Variants in CYREN observed in about 807,000 individuals in gnomAD.
CYREN encodes cell cycle regulator of non-homologous end joining.
A neutral mutation model predicts 9.7 loss-of-function variants in CYREN; 7 were observed. The observed-to-expected ratio is 0.72, with a 90% CI of 0.41 to 1.36. The LOEUF (loss-of-function observed/expected upper bound fraction) is 1.36, where lower values mean the gene tolerates loss of function less well. Among genes scored for constraint, CYREN ranks in the 40% most tolerant of loss-of-function variants. The pLI, the probability that CYREN is intolerant of heterozygous loss-of-function variation, is 0.01. For missense variants in CYREN, 215 were observed against 198.1 expected, an observed-to-expected ratio of 1.09 and a Z score of -0.51; for synonymous variants, 76 against 77.9, an observed-to-expected ratio of 0.98 and a Z score of 0.13.
Position 135,149,101 on chromosome 7 carries a change from A to G in CYREN, n.356+19648T>C, listed in dbSNP as rs536642193. Among the ~76,000 whole-genome samples the G allele has an allele frequency of 4.9e-4, 75 of 152,230 alleles. 1 individual carries two copies. The highest frequency in any genetic ancestry group is 1.7e-3 in the African/African-American group (69 of 41,546). ...ATGAGATATTTTTTCAATCTTGCAC[A>G]TATTCCCCTTTCTCAACTTTCTTTC... is the stretch of plus-strand genomic sequence containing the variant. On this transcript the variant is annotated intron_variant and non_coding_transcript_variant, in intron 2 of 2. Coordinates refer to the CYREN transcript ENST00000459937.
intron 2 of CYREN, chr7:135,168,171 G>C (rs1830326379): frequency 3.9e-6 from 1 of 253,542 alleles, no homozygotes; most frequent in Admixed American, 5.1e-5. Flanking sequence ...CTTAGGGAAA[G>C]ACGGCAGCAG....
intron 2 of CYREN, chr7:135,129,343 A>T (rs1327544272): frequency 2.7e-6 from 3 of 1,097,406 alleles, no homozygotes; most frequent in Non-Finnish European, 4.2e-6. Flanking sequence ...AAATTAATAG[A>T]CTTACTAAAT....
intron 2 of CYREN, among the ~76,000 whole-genome samples, chr7:135,145,755 C>T (rs1247823829): frequency 2.0e-5 from 3 of 152,054 alleles, no homozygotes; most frequent in African/African-American, 4.8e-5. Context: ...ACAGGCACAC[C>T]TCGGAGATAT....
At chr7:135,139,284 G>A (rs1829409911) in intron 2 of CYREN, among the ~76,000 whole-genome samples, 1 of 151,962 alleles carries the variant, frequency 6.6e-6, no homozygotes, top group African/African-American at 2.4e-5. Flanking sequence ...CATTCTGACT[G>A]TTGTGAGATG....
intron 2 of CYREN, chr7:135,115,352 T>C (rs1826174050): frequency 1.4e-6 from 2 of 1,389,314 alleles, no homozygotes; most frequent in Non-Finnish European, 2.0e-6. Context: ...TTCATATCTC[T>C]GTACATATTT....
At chr7:135,103,719 G>C (rs1223531181) in intron 2 of CYREN, among the ~76,000 whole-genome samples, 1 of 152,116 alleles carries the variant, frequency 6.6e-6, no homozygotes, top group Non-Finnish European at 1.5e-5. Context: ...ATCTGGACAG[G>C]TATAAATAAG....
At chr7:135,133,220 A>C (rs917557751) in intron 2 of CYREN, among the ~76,000 whole-genome samples, 7 of 152,210 alleles carry the variant, frequency 4.6e-5, no homozygotes, top group Admixed American at 3.9e-4. Flanking sequence ...TATCTCAAAA[A>C]AAATACTTGG....
chr7:135,167,686 C>T (rs749757349), intron 3 of CYREN, 46 bp downstream of exon 3: 1 of 1,610,936 alleles, frequency 6.2e-7, no homozygotes, highest in Admixed American at 1.7e-5. Context: ...TAGCCTCTGC[C>T]CATGCAGAGT....
downstream of CYREN, among the ~76,000 whole-genome samples, chr7:135,161,329 G>A (rs1585356237): frequency 6.6e-6 from 1 of 152,332 alleles, no homozygotes; most frequent in East Asian, 1.9e-4. The surrounding 1 kb of genome is among the most constrained non-coding windows in gnomAD (Gnocchi z 4.1). Flanking sequence ...AAAGCAAAAC[G>A]TTTAATAATT....
intron 2 of CYREN, among the ~76,000 whole-genome samples, chr7:135,136,690 G>C (rs1829352859): frequency 6.6e-6 from 1 of 151,932 alleles, no homozygotes; most frequent in East Asian, 1.9e-4. Context: ...ACAAAGATCA[G>C]GACAAAAGCC....
At chr7:135,161,046 G>T (rs1829923042), downstream of CYREN, among the ~76,000 whole-genome samples, 1 of 152,226 alleles carries the variant, frequency 6.6e-6, no homozygotes. This position sits in a 1 kb window ranked among gnomAD's most constrained non-coding sequence, Gnocchi z 4.1. Context: ...CCTCACCAGA[G>T]AATTCCAAGT....
intron 2 of CYREN, among the ~76,000 whole-genome samples, chr7:135,104,689 G>A (rs1824382630): frequency 1.3e-5 from 2 of 151,666 alleles, no homozygotes; most frequent in South Asian, 4.2e-4. Flanking sequence ...GTGATATTGA[G>A]CTTTATTTCA....
chr7:135,134,842 C>T, intron 2 of CYREN: 5 of 1,548,882 alleles, frequency 3.2e-6, no homozygotes, highest in East Asian at 2.4e-5. Flanking sequence ...CTTTTCTAGA[C>T]TAAATCCGGC....
At chr7:135,134,977 T>C (rs1310138637) in intron 2 of CYREN, 2 of 1,551,196 alleles carry the variant, frequency 1.3e-6, no homozygotes, top group East Asian at 4.9e-5. Context: ...CCACAGGTCA[T>C]TGGAAAGTTT....
chr7:135,114,473 T>C (rs1389244911), intron 2 of CYREN, among the ~76,000 whole-genome samples: 1 of 150,978 alleles, frequency 6.6e-6, no homozygotes, highest in Non-Finnish European at 1.5e-5. Context: ...AATTCCTTTG[T>C]ATCATCTAAT....
chr7:135,129,470 C>T lies in CYREN; in HGVS notation n.357-34888G>A, dbSNP rs1464549752. 1.7e-5 allele frequency: 13 copies of T among 774,556 alleles called. No homozygotes were observed. The East Asian group carries it at 3.2e-4, about 19-fold the overall frequency. 48.0% of individuals were successfully genotyped at this position (774,556 alleles called of 1,614,324 possible). On this transcript the variant is annotated intron_variant and non_coding_transcript_variant, in intron 2 of 2. Transcript: ENST00000459937. Reference sequence around the variant, plus strand: ...GTAAGGAGTGGCTAGAGAAAAACTTCAAGAACTGACCATGTTGTGGAACTC... The same window carrying T: ...GTAAGGAGTGGCTAGAGAAAAACTTTAAGAACTGACCATGTTGTGGAACTC...
upstream of CYREN, among the ~76,000 whole-genome samples, chr7:135,171,784 C>CCG (rs1830668386): frequency 3.1e-5 from 4 of 127,272 alleles, no homozygotes; most frequent in Non-Finnish European, 7.1e-5. Context: ...CTGACAAGCC[C>CCG]TGTGGAGCGT....
At chr7:135,172,376 A>G (rs916055364), upstream of CYREN, among the ~76,000 whole-genome samples, 5 of 145,602 alleles carry the variant, frequency 3.4e-5, no homozygotes, top group African/African-American at 1.3e-4. Flanking sequence ...GAATTTCGTG[A>G]TTTTGGTTTG....
chr7:135,099,281 T>C (rs1038482083), intron 2 of CYREN, among the ~76,000 whole-genome samples: 6 of 152,142 alleles, frequency 3.9e-5, no homozygotes, highest in African/African-American at 1.4e-4. Context: ...TAACATTTAT[T>C]AGATAGATTA....
Sources: allele counts gnomAD v4.1 joint callset (sites outside exome capture counted in the v4.1 genomes callset), GRCh38; gene constraint gnomAD v4.1.1; non-coding constraint Gnocchi (gnomAD v3.1); transcripts MANE v1.5; gene names NCBI Gene and HGNC (gene_info 2026-07-23, HGNC 2026-07-21).